The following DST variants were observed in gnomAD, a reference collection of about 807,000 sequenced individuals.
DST encodes the protein bullous pemphigoid antigen.
In DST, 253 loss-of-function variants were observed where a neutral mutation model predicts 875.2. The observed-to-expected ratio is 0.29, with a 90% confidence interval of 0.26 to 0.32. The LOEUF (loss-of-function observed/expected upper bound fraction) is 0.32. DST is among the 10% of genes least tolerant of loss of function. DST has a pLI of 1.00. For missense variants in DST, 8,287 were observed against 9,111.6 expected (o/e 0.91, Z 3.68); for synonymous variants, 3,124 against 3,197.1 (o/e 0.98, Z 0.77).
intron 4 of DST, among the ~76,000 whole-genome samples, chr6:56,737,257 A>C (rs2099528786): frequency 6.6e-6 from 1 of 152,210 alleles, no homozygotes; most frequent in Non-Finnish European, 1.5e-5. Flanking sequence ...ACTAACAAAA[A>C]ATAATAATAT....
chr6:56,584,981 C>T (rs866924063), intron 49 of DST, among the ~76,000 whole-genome samples: 2,174 of 151,096 alleles, frequency 0.014, 24 homozygotes, highest in Middle Eastern at 0.031. Context: ...TGATGTGCTG[C>T]TGGATTCGGT....
intron 4 of DST, among the ~76,000 whole-genome samples, chr6:56,800,783 C>T (rs1396600885): frequency 6.6e-6 from 1 of 152,164 alleles, no homozygotes; most frequent in Non-Finnish European, 1.5e-5. Context: ...CTTTGGGAGG[C>T]TGAGGTGGGA....
At chr6:56,745,206 C>T (rs991697005) in intron 4 of DST, among the ~76,000 whole-genome samples, 2 of 152,184 alleles carry the variant, frequency 1.3e-5, no homozygotes, top group African/African-American at 4.8e-5. Flanking sequence ...TATACAAATG[C>T]TGTTATTTCC....
At chr6:56,806,142 C>A (rs1042567939) in intron 4 of DST, among the ~76,000 whole-genome samples, 8 of 152,192 alleles carry the variant, frequency 5.3e-5, no homozygotes, top group African/African-American at 1.9e-4. Flanking sequence ...TTTCACATCT[C>A]ATCTTCTAAA....
chr6:56,571,852 C>T (rs935855247), intron 53 of DST, among the ~76,000 whole-genome samples: 6 of 152,140 alleles, frequency 3.9e-5, no homozygotes, highest in African/African-American at 1.4e-4. Flanking sequence ...CCACCGCCAT[C>T]GTTTTTCTTA....
intron 4 of DST, among the ~76,000 whole-genome samples, chr6:56,819,771 A>G (rs1156276849): frequency 6.6e-6 from 1 of 152,192 alleles, no homozygotes; most frequent in African/African-American, 2.4e-5. Flanking sequence ...CAAAATGGAC[A>G]CTGTCCTTGC....
rs1357421618 is a variant in DST, at chr6:56,639,679, T to A, written c.2697+17A>T. 3 of 1,297,272 alleles carry A rather than the reference T, an allele frequency of 2.3e-6. No individual in the cohort carries two copies. The highest frequency in any genetic ancestry group is 3.2e-6 in the Non-Finnish European group (3 of 933,444). 80.4% of individuals were successfully genotyped at this position (1,297,272 alleles called of 1,614,324 possible). A position where few individuals can be genotyped will look rare whatever the true frequency, so the allele number is the denominator to read the frequency against. On this transcript the variant is annotated intron_variant, in intron 20 of 103. Transcript: ENST00000680361. ...ATATAGATAAGGGAAACAGAAGGTTTAAAAAAAAAAACTTACCAAGAGTTT... is the reference window on the plus strand; with the variant it reads ...ATATAGATAAGGGAAACAGAAGGTTAAAAAAAAAAAACTTACCAAGAGTTT...
At chr6:56,517,038 C>T (rs1348789969) in intron 71 of DST, among the ~76,000 whole-genome samples, 160 bp downstream of exon 71, 3 of 152,162 alleles carry the variant, frequency 2.0e-5, no homozygotes, top group Admixed American at 6.5e-5. Flanking sequence ...ATTCCTTTCA[C>T]TGTTATTCTA....
At chr6:56,921,033 C>T (rs62411421) in intron 2 of DST, among the ~76,000 whole-genome samples, 7,787 of 151,240 alleles carry the variant, frequency 0.051, 330 homozygotes, top group East Asian at 0.16. Flanking sequence ...CATGAGCCAC[C>T]ACGCCCAATA....
chr6:56,604,804 A>T lies in DST; in HGVS notation c.9824T>A (p.Leu3275Ter), dbSNP rs200867945. ...AACATCTTCTACATGTTTACGAGAT[A>T]ATATTGAAAGTGTGGCTTCAATACT... is the stretch of plus-strand genomic sequence containing the variant. ...PESIEATLSI[L>*]SRKHVEDVGK... The change falls in exon 40 of 104, where the codon TTA (leucine) becomes TAA (stop). Residue 3275 changes from leucine to a stop codon, truncating the protein, a stop_gained. Transcript: ENST00000680361. LOFTEE classifies it high-confidence loss of function. 1 of 1,612,944 alleles carries T rather than the reference A, an allele frequency of 6.2e-7. No homozygotes were observed. The highest frequency in any genetic ancestry group is 1.7e-5 in the Admixed American group (1 of 59,874).
intron 3 of DST, among the ~76,000 whole-genome samples, chr6:56,858,958 T>C (rs917214140): frequency 1.6e-4 from 24 of 152,174 alleles, no homozygotes; most frequent in African/African-American, 5.8e-4. Flanking sequence ...CCTTTTGACA[T>C]GAAAGCCTGT....
chr6:56,827,864 C>G (rs564611114), intron 4 of DST, among the ~76,000 whole-genome samples: 10 of 152,278 alleles, frequency 6.6e-5, no homozygotes, highest in African/African-American at 2.4e-4. Context: ...GCTTCTGTCT[C>G]CCAAACTCTC....
At chr6:56,472,384 T>A (rs555736656) in intron 93 of DST, among the ~76,000 whole-genome samples, 162 bp from the exon 94 acceptor site, 1 of 152,340 alleles carries the variant, frequency 6.6e-6, no homozygotes, top group East Asian at 1.9e-4. Flanking sequence ...AAGGCCCAAA[T>A]CTGTTTTCCT....
At chr6:56,673,926 A>G (rs78180336) in intron 9 of DST, among the ~76,000 whole-genome samples, 140 of 152,320 alleles carry the variant, frequency 9.2e-4, no homozygotes, top group Non-Finnish European at 1.5e-3. Context: ...AATTTAAGGT[A>G]TTTTTTAAAA....
intron 98 of DST, 80 bp from the exon 99 acceptor site, chr6:56,466,275 T>G (rs763140898): frequency 1.6e-5 from 15 of 927,576 alleles, no homozygotes; most frequent in Non-Finnish European, 2.3e-5. Context: ...TTGCAGTAGC[T>G]AAAGCAACCG....
At chr6:56,707,776 G>T (rs1320373243) in intron 5 of DST, among the ~76,000 whole-genome samples, 1 of 152,156 alleles carries the variant, frequency 6.6e-6, no homozygotes, top group Non-Finnish European at 1.5e-5. Flanking sequence ...CCAAAACCAG[G>T]TGTCATTTGC....
chr6:56,522,811 C>T (rs551081762), intron 69 of DST, among the ~76,000 whole-genome samples: 1 of 147,406 alleles, frequency 6.8e-6, no homozygotes, highest in South Asian at 2.1e-4. Flanking sequence ...ATTTTAGCAA[C>T]TACTGACAGT....
intron 84 of DST, 123 bp from the exon 85 acceptor site, chr6:56,492,556 A>C: frequency 2.2e-5 from 22 of 998,282 alleles, no homozygotes; most frequent in East Asian, 2.5e-5. Flanking sequence ...GAAATACCAA[A>C]TGCATGCTTT....
At chr6:56,890,349 G>A (rs548230754) in intron 3 of DST, among the ~76,000 whole-genome samples, 1 of 152,286 alleles carries the variant, frequency 6.6e-6, no homozygotes, top group South Asian at 2.1e-4. Context: ...TAAAAATCCT[G>A]GGATTCAGAA....
Sources: allele counts gnomAD v4.1 joint callset (sites outside exome capture counted in the v4.1 genomes callset), GRCh38; gene constraint gnomAD v4.1.1; transcripts MANE v1.5; gene names NCBI Gene and HGNC (gene_info 2026-07-23, HGNC 2026-07-21).